TRHDE: variants seen among roughly 807,000 people sequenced by gnomAD.
TRHDE encodes the protein thyrotropin releasing hormone degrading enzyme.
Under a neutral mutation model 125.7 loss-of-function variants are expected in TRHDE, and 72 were observed. The observed-to-expected ratio is 0.57, with a 90% confidence interval of 0.47 to 0.70. The LOEUF is 0.70. Among genes scored for constraint, TRHDE ranks in the 30% least tolerant of loss-of-function variants. TRHDE has a pLI of 0.00. For missense variants in TRHDE, 1,110 were observed against 1,327.1 expected, an observed-to-expected ratio of 0.84 and a Z score of 2.54; for synonymous variants, 509 against 509.1, an observed-to-expected ratio of 1.00 and a Z score of 0.00.
At chr12:72,646,872 A>G (rs1874302712) in intron 15 of TRHDE, among the ~76,000 whole-genome samples, 1 of 152,080 alleles carries the variant, frequency 6.6e-6, no homozygotes, top group Non-Finnish European at 1.5e-5. Flanking sequence ...GAAATAAAAA[A>G]CATTAAAAAT....
At chr12:72,639,579 T>A (rs1376625868) in intron 15 of TRHDE, among the ~76,000 whole-genome samples, 1 of 150,220 alleles carries the variant, frequency 6.7e-6, no homozygotes, top group African/African-American at 2.5e-5. Context: ...AGAGGCGCTC[T>A]GCTTTTTAGA....
intron 2 of TRHDE, among the ~76,000 whole-genome samples, chr12:72,186,824 C>T (rs1420372302): frequency 2.6e-5 from 4 of 151,680 alleles, no homozygotes; most frequent in Non-Finnish European, 5.9e-5. Context: ...AAGTGGCTCT[C>T]CTTTATTGGC....
intron 3 of TRHDE, among the ~76,000 whole-genome samples, chr12:72,462,416 T>C (rs994027358): frequency 1.3e-5 from 2 of 152,146 alleles, no homozygotes; most frequent in African/African-American, 4.8e-5. Context: ...AGTGAAACCA[T>C]GGAATTCATG....
intron 3 of TRHDE, among the ~76,000 whole-genome samples, chr12:72,435,747 G>A (rs893650404): frequency 6.6e-6 from 1 of 150,840 alleles, no homozygotes; most frequent in Non-Finnish European, 1.5e-5. Flanking sequence ...GGGATGCAAT[G>A]TAAGAATTTA....
At chr12:72,316,352 C>A (rs1258205886) in intron 2 of TRHDE, among the ~76,000 whole-genome samples, 1 of 152,086 alleles carries the variant, frequency 6.6e-6, no homozygotes, top group Admixed American at 6.6e-5. Flanking sequence ...CACTAAGAGC[C>A]TGGAAGCAAC....
At chr12:72,467,821 AC>A (rs1876457123) in intron 3 of TRHDE, among the ~76,000 whole-genome samples, 1 of 152,222 alleles carries the variant, frequency 6.6e-6, no homozygotes, top group East Asian at 1.9e-4. Context: ...TCTCAAACAA[AC>A]AAAAACAACA....
intron 15 of TRHDE, among the ~76,000 whole-genome samples, chr12:72,628,935 A>G (rs1447425515): frequency 6.6e-6 from 1 of 151,828 alleles, no homozygotes; most frequent in East Asian, 1.9e-4. Flanking sequence ...TATTTAGAGA[A>G]TTTAATACAT....
chr12:72,401,943 A>G (rs1384415956), intron 3 of TRHDE, among the ~76,000 whole-genome samples: 1 of 152,146 alleles, frequency 6.6e-6, no homozygotes, highest in African/African-American at 2.4e-5. Flanking sequence ...GGTTACTACT[A>G]CTGATTTTCT....
At chr12:72,098,654 A>G (rs1183308236) in intron 1 of TRHDE, among the ~76,000 whole-genome samples, 1 of 152,152 alleles carries the variant, frequency 6.6e-6, no homozygotes, top group African/African-American at 2.4e-5. Flanking sequence ...CTCCCTTGGT[A>G]TGTTTTCCTG....
At position 72,593,905 on chromosome 12, in the gene TRHDE, C is replaced by T. The variant is rs554260221; in HGVS notation, c.2321+18363C>T. ...GTATATGTGCCTCATTTTCTTAATC[C>T]AGTCTATCATTGATGGACATTTGGG... On this transcript the variant is annotated intron_variant, in intron 12 of 18. Transcript: ENST00000261180. 6.6e-5 allele frequency among the ~76,000 whole-genome samples: 10 copies of T among 152,290 alleles called. No individual in the cohort carries two copies. The South Asian group carries it at 8.3e-4, about 13-fold the overall frequency.
intron 2 of TRHDE, among the ~76,000 whole-genome samples, chr12:72,359,533 T>C (rs543173669): frequency 5.9e-5 from 9 of 151,696 alleles, no homozygotes; most frequent in Admixed American, 5.9e-4. Context: ...AGAAATAGGA[T>C]TTTTCAAATC....
intron 3 of TRHDE, among the ~76,000 whole-genome samples, chr12:72,394,394 A>G (rs1204694592): frequency 6.6e-6 from 1 of 152,108 alleles, no homozygotes; most frequent in Non-Finnish European, 1.5e-5. Flanking sequence ...AGAACACCAT[A>G]ATTATATTAA....
chr12:72,599,477 G>A (rs1031273869), intron 12 of TRHDE, among the ~76,000 whole-genome samples: 2 of 152,082 alleles, frequency 1.3e-5, no homozygotes, highest in Non-Finnish European at 2.9e-5. Context: ...GATTAGTGAT[G>A]TGGGTCATTT....
chr12:72,447,696 C>T (rs572880648), intron 3 of TRHDE, among the ~76,000 whole-genome samples: 1 of 151,932 alleles, frequency 6.6e-6, no homozygotes, highest in Non-Finnish European at 1.5e-5. Flanking sequence ...ATGTTTTAAA[C>T]CCTGGCTGAA....
intron 2 of TRHDE, among the ~76,000 whole-genome samples, chr12:72,178,867 A>T (rs1183095169): frequency 6.6e-6 from 1 of 152,178 alleles, no homozygotes; most frequent in Non-Finnish European, 1.5e-5. Context: ...AAGAAATATC[A>T]AAATATTTCT....
chr12:72,525,426 A>C (rs546066757), intron 6 of TRHDE, among the ~76,000 whole-genome samples: 1 of 152,190 alleles, frequency 6.6e-6, no homozygotes, highest in South Asian at 2.1e-4. Flanking sequence ...TTATGATGAG[A>C]TATTTAATAG....
rs748437961 is a variant in TRHDE at position 72,273,141 on chromosome 12, G to A, written c.498G>A (p.Ser166=). ...GGGTGGCCAGTCCGGGGACCACGTC[G>A]GCCCAGCCGCCGTCGGAGGAGGAGC... ...AGGVASPGTT[S]AQPPSEEERE... is the part of the protein sequence containing the mutation. The change falls in exon 1 of 19, where the codon TCG becomes TCA. Residue 166 remains serine, a synonymous_variant. Coordinates refer to ENST00000261180, the MANE Select transcript of TRHDE (RefSeq NM_013381.3). The surrounding 1 kb of genome is among the most constrained non-coding windows in gnomAD (Gnocchi z 5.3). The A allele has an allele frequency of 1.3e-6, 2 of 1,562,572 alleles. No individual in the cohort carries two copies. The highest frequency in any genetic ancestry group is 8.7e-7 in the Non-Finnish European group (1 of 1,153,744).
intron 2 of TRHDE, among the ~76,000 whole-genome samples, chr12:72,346,748 G>T (rs1417466511): frequency 6.6e-6 from 1 of 152,064 alleles, no homozygotes; most frequent in East Asian, 1.9e-4. Context: ...ATCTTTCTTG[G>T]CAAGCTGTGT....
Position 72,272,815 on chromosome 12 carries a change from A to AG in TRHDE, c.177dup (p.Leu60AlafsTer209), listed in dbSNP as rs776362378. The stretch of plus-strand genomic sequence containing the variant: ...CGACGCCGCGCTTCGGGCTGGCAGC[A>AG]GGGGGCTCTCCGACCCGTGGGCAGA... On this transcript the variant is annotated frameshift_variant, in exon 1 of 19. Transcript: ENST00000261180. LOFTEE classifies it high-confidence loss of function. The surrounding 1 kb of genome is among the most constrained non-coding windows in gnomAD (Gnocchi z 6.7). 3 of 1,573,388 alleles carry AG rather than the reference A, an allele frequency of 1.9e-6. No individual in the cohort carries two copies. The highest frequency in any genetic ancestry group is 1.7e-6 in the Non-Finnish European group (2 of 1,163,952).
Sources: allele counts gnomAD v4.1 joint callset (sites outside exome capture counted in the v4.1 genomes callset), GRCh38; gene constraint gnomAD v4.1.1; non-coding constraint Gnocchi (gnomAD v3.1); transcripts MANE v1.5; gene names NCBI Gene and HGNC (gene_info 2026-07-23, HGNC 2026-07-21).